The following KLC3 variants were observed in gnomAD, a reference collection of about 807,000 sequenced individuals.
KLC3 encodes kinesin light chain 2.
A neutral mutation model predicts 62.9 loss-of-function variants in KLC3; 72 were observed. The ratio of observed to expected loss-of-function variants is 1.15; its 90% CI spans 0.95 to 1.39. The LOEUF is 1.39. Among genes scored for constraint, KLC3 ranks in the 40% most tolerant of loss-of-function variants. The pLI, the probability that KLC3 is intolerant of heterozygous loss-of-function variation, is 0.00. For missense variants in KLC3, 848 were observed against 691.6 expected (o/e 1.23, Z -2.54); for synonymous variants, 377 against 300.5 (o/e 1.25, Z -2.63).
chr19:45,351,354 C>T lies in KLC3; in HGVS notation c.1512C>T (p.His504=). The T allele has an allele frequency of 1.9e-6, 3 of 1,610,968 alleles. No individual in the cohort carries two copies. Among genetic ancestry groups the T allele is most frequent in the South Asian group, 1.1e-5 (1 of 91,072 alleles). ...LSASTQDLSP[H] ...CCAGCACCCAGGACCTGAGCCCCCA[C>T]TAACGTCCAGTGAACTGCGCTGGCC... The change falls in exon 13 of 13, where the codon CAC becomes CAT. Residue 504 remains histidine, a synonymous_variant. Transcript: ENST00000391946.
At chr19:45,350,012 A>G in intron 8 of KLC3, 2 of 445,820 alleles carry the variant, frequency 4.5e-6, no homozygotes, top group Non-Finnish European at 4.0e-6. Flanking sequence ...AGACAGGCTC[A>G]GAAACAGGAG....
chr19:45,348,413 G>T (rs1971564191), intron 5 of KLC3, among the ~76,000 whole-genome samples: 2 of 152,202 alleles, frequency 1.3e-5, no homozygotes, highest in South Asian at 4.1e-4. Flanking sequence ...GACCCCAACA[G>T]AGCAGGCAGG....
Position 45,350,453 on chromosome 19 carries a change from G to A in KLC3, c.1234+22G>A, listed in dbSNP as rs189367755. 4.8e-5 allele frequency: 77 copies of A among 1,611,242 alleles called. No homozygotes were observed. The African/African-American group carries it at 6.7e-4, about 14-fold the overall frequency. On this transcript the variant is annotated intron_variant, in intron 9 of 12. Transcript: ENST00000391946. ...CTCGGTGAGCCCCTAGCCCCTGTCTGTCTTCCCTCCTGGTGGCTTCTCTAT... is the reference window on the plus strand; with the variant it reads ...CTCGGTGAGCCCCTAGCCCCTGTCTATCTTCCCTCCTGGTGGCTTCTCTAT...
intron 4 of KLC3, 113 bp downstream of exon 4, chr19:45,347,629 TGAG>T: frequency 1.0e-6 from 1 of 966,404 alleles, no homozygotes; most frequent in East Asian, 2.5e-5. Context: ...GAGGGCAGGG[TGAG>T]GAGGACCCTG....
chr19:45,341,554 G>GGTGTGTGTGTGTGT (rs773352088), intron 1 of KLC3, among the ~76,000 whole-genome samples: 30 of 144,016 alleles, frequency 2.1e-4, no homozygotes, highest in African/African-American at 4.5e-4. Flanking sequence ...TCTGCCTGTT[G>GGTGTGTGTGTGTGT]GTGTGTGTGT....
At chr19:45,342,787 T>C (rs995714765) in intron 1 of KLC3, among the ~76,000 whole-genome samples, 1 of 151,966 alleles carries the variant, frequency 6.6e-6, no homozygotes, top group African/African-American at 2.4e-5. Context: ...AATTAAATTT[T>C]TTAAAGGTTG....
At chr19:45,345,145 G>T (rs1032742162) in intron 1 of KLC3, 2 of 364,672 alleles carry the variant, frequency 5.5e-6, no homozygotes, top group Non-Finnish European at 9.9e-6. Context: ...ACGGCCAACC[G>T]GGAGCTCTGG....
intron 2 of KLC3, among the ~76,000 whole-genome samples, chr19:45,346,206 G>T (rs971134557): frequency 6.6e-6 from 1 of 152,080 alleles, no homozygotes; most frequent in Non-Finnish European, 1.5e-5. Context: ...TCCGGGGCAG[G>T]GGGAGGCCTA....
Position 45,345,809 on chromosome 19 carries a change from G to A in KLC3, c.258+10G>A. 1 of 1,542,450 alleles carries A rather than the reference G, an allele frequency of 6.5e-7. No homozygotes were observed. ...GCTGGGCGAGGCCCAGGTATGAGGG[G>A]GCCAGGTGGGGAGCTGGGGGAAGGT... On this transcript the variant is annotated intron_variant, in intron 2 of 12. Coordinates refer to ENST00000391946, the MANE Select transcript of KLC3 (RefSeq NM_177417.3).
intron 1 of KLC3, among the ~76,000 whole-genome samples, chr19:45,344,151 G>A (rs530217986): frequency 4.1e-3 from 455 of 111,024 alleles, no homozygotes; most frequent in Non-Finnish European, 6.4e-3. Context: ...TTTCTAATGA[G>A]GGAGTGTGTG....
Position 45,350,602 on chromosome 19 carries a change from G to A in KLC3, c.1273-39G>A, listed in dbSNP as rs1449094499. ...CTGGGGTGGGCGTGGGGACTGCATG[G>A]GCCTGGGGGACTGAGCAGCATCCCC... On this transcript the variant is annotated intron_variant, in intron 10 of 12. Coordinates refer to ENST00000391946, the MANE Select transcript of KLC3 (RefSeq NM_177417.3). 1.9e-6 allele frequency: 3 copies of A among 1,613,436 alleles called. No individual in the cohort carries two copies. The African/African-American group carries it at 4.0e-5, about 22-fold the overall frequency.
At position 45,350,730 on chromosome 19, in the gene KLC3, G is replaced by T; in HGVS notation, c.1362G>T (p.Ala454=). 7 of 1,612,412 alleles carry T rather than the reference G, an allele frequency of 4.3e-6. No individual in the cohort carries two copies. The highest frequency in any genetic ancestry group is 5.9e-6 in the Non-Finnish European group (7 of 1,179,508). The change falls in exon 11 of 13, where the codon GCG becomes GCT. Residue 454 remains alanine (A), a synonymous_variant. Coordinates refer to ENST00000391946, the MANE Select transcript of KLC3 (RefSeq NM_177417.3). The part of the protein sequence containing the change: ...EKLVSRLRGE[A]AAGAAGMKRA... ...TGGTCTCCCGGCTCCGAGGCGAGGC[G>T]GCGGCAGGAGCAGCCGGGTGAGTGT...
Position 45,351,445 on chromosome 19 carries a change from G to C in KLC3, c.*88G>C, listed in dbSNP as rs933577917. On this transcript the variant is annotated 3_prime_UTR_variant, in exon 13 of 13. Coordinates refer to ENST00000391946, the MANE Select transcript of KLC3 (RefSeq NM_177417.3). ...GGTGAGAGGGGGTCTATCATCTCCT[G>C]GCCCCCCCTTGCCTCTGGGTACCTG... 6 of 1,585,220 alleles carry C rather than the reference G, an allele frequency of 3.8e-6. No individual in the cohort carries two copies. In the South Asian group the frequency reaches 4.5e-5, roughly 12 times the overall value.
At chr19:45,346,108 G>A (rs139384749) in intron 2 of KLC3, among the ~76,000 whole-genome samples, 4,374 of 152,266 alleles carry the variant, frequency 0.029, 66 homozygotes, top group Middle Eastern at 0.054. Flanking sequence ...GTTGCAGTGA[G>A]TGGAGATCGT....
In KLC3 at chr19:45,350,948, T is replaced by C. The variant is rs1429368970; in HGVS notation, c.1380-6T>C. The C allele has an allele frequency of 5.8e-5, 94 of 1,613,862 alleles. No homozygotes were observed. Among genetic ancestry groups the C allele is most frequent in the Non-Finnish European group, 7.7e-5 (91 of 1,179,854 alleles). On this transcript the variant is annotated splice_polypyrimidine_tract_variant and splice_region_variant and intron_variant, in intron 11 of 12. Coordinates refer to ENST00000391946, the MANE Select transcript of KLC3 (RefSeq NM_177417.3). ...ACTCATTTCCTCCCTGCTGCCCTCT[T>C]TGCAGAATGAAGAGAGCCATGTCAC...
At position 45,351,350 on chromosome 19, in the gene KLC3, C is replaced by G; in HGVS notation, c.1508C>G (p.Pro503Arg). ...AGCGCCAGCACCCAGGACCTGAGCC[C>G]CCACTAACGTCCAGTGAACTGCGCT... ...TLSASTQDLSPH is the reference protein window; with the variant it reads ...TLSASTQDLSRH Residue 503 changes from proline to arginine, a missense_variant, in exon 13 of 13, where the codon CCC becomes CGC. By Grantham distance (103) the Pro-to-Arg change is moderately radical. Coordinates refer to ENST00000391946, the MANE Select transcript of KLC3 (RefSeq NM_177417.3). 1.2e-6 allele frequency: 2 copies of G among 1,611,208 alleles called. No individual in the cohort carries two copies. The highest frequency in any genetic ancestry group is 1.7e-6 in the Non-Finnish European group (2 of 1,180,008).
At position 45,348,643 on chromosome 19, in the gene KLC3, C is replaced by T. The variant is rs1463951424; in HGVS notation, c.780-3C>T. The T allele has an allele frequency of 1.3e-6, 2 of 1,571,868 alleles. No individual in the cohort carries two copies. The highest frequency in any genetic ancestry group is 2.4e-5 in the East Asian group (1 of 42,140). ...CCCTCCATTCCTGGGGCGCCCCCCA[C>T]AGGGACCAGAACAAGTACAAAGAAG... is the stretch of plus-strand genomic sequence containing the variant. On this transcript the variant is annotated splice_polypyrimidine_tract_variant and splice_region_variant and intron_variant, in intron 5 of 12. Transcript: ENST00000391946.
intron 1 of KLC3, among the ~76,000 whole-genome samples, chr19:45,341,572 T>TGCGC (rs777978021): frequency 1.7e-3 from 214 of 127,204 alleles, no homozygotes; most frequent in Non-Finnish European, 2.7e-3. Flanking sequence ...TGTGTGTGTG[T>TGCGC]GTGTGTGCGC....
chr19:45,348,263 G>C (rs1971557713), intron 5 of KLC3, 103 bp downstream of exon 5: 1 of 1,027,298 alleles, frequency 9.7e-7, no homozygotes, highest in African/African-American at 1.6e-5. Flanking sequence ...GGAGCACCTA[G>C]GGAGGTCAGG....
Sources: gnomAD v4.1 joint callset for allele counts (sites outside exome capture counted in the v4.1 genomes callset) on GRCh38, gnomAD v4.1.1 for gene constraint, MANE v1.5 for transcripts, NCBI Gene and HGNC (gene_info 2026-07-23, HGNC 2026-07-21) for gene names.